MYO1F: variants seen among roughly 807,000 people sequenced by gnomAD.
The protein encoded by MYO1F is myosin IF.
Under a neutral mutation model 146.6 loss-of-function variants are expected in MYO1F, and 60 were observed. The ratio of observed to expected loss-of-function variants is 0.41; its 90% confidence interval spans 0.33 to 0.51. The LOEUF (loss-of-function observed/expected upper bound fraction) is 0.51, where lower values mean the gene tolerates loss of function less well. Among genes scored for constraint, MYO1F ranks in the 20% least tolerant of loss-of-function variants. The pLI, the probability that MYO1F is intolerant of heterozygous loss-of-function variation, is 0.25. For synonymous variants in MYO1F, 602 were observed against 602.1 expected (o/e 1.00, Z 0.00); for missense variants, 1,274 against 1,534.3 (o/e 0.83, Z 2.83).
rs1568380974 is a variant in MYO1F, at chr19:8,574,582, TCTCTCTCTCTCTCTC to T, written c.3+2710_3+2724del. Among the ~76,000 whole-genome samples the T allele has an allele frequency of 4.7e-5, 4 of 85,170 alleles. No homozygotes were observed. In the East Asian group the frequency reaches 8.5e-4, roughly 18 times the overall value. 55.9% of individuals were successfully genotyped at this position (85,170 alleles called of 152,430 possible). ...TTCTTTCTTTCTTTCTTTCTTTCTC[TCTCTCTCTCTCTCTC>T]TTTCTTTCTTTCTTTCTTTCTTTCT... On this transcript the variant is annotated intron_variant, in intron 1 of 27. Coordinates refer to ENST00000644032, the MANE Select transcript of MYO1F (RefSeq NM_012335.4).
At chr19:8,567,963 C>T (rs1274669143) in intron 1 of MYO1F, among the ~76,000 whole-genome samples, 1 of 152,242 alleles carries the variant, frequency 6.6e-6, no homozygotes, top group African/African-American at 2.4e-5. Context: ...TGGCTAGGCC[C>T]ATCAGCCCTC....
rs770815982 is a variant in MYO1F at position 8,522,785 on chromosome 19, G to A, written c.2899C>T (p.Leu967=). The A allele has an allele frequency of 9.4e-6, 15 of 1,600,938 alleles. No individual in the cohort carries two copies. The highest frequency in any genetic ancestry group is 1.7e-5 in the Admixed American group (1 of 58,402). ...CCTCCAGACATGATCTCCAGGGGCA[G>A]GGGGCCCCCTCTGGCAGAGGGGGGC... The part of the protein sequence containing the change: ...GVPPSARGGP[L]PLEIMSGGGT... Residue 967 remains leucine, a synonymous_variant, in exon 26 of 28, where the codon CTG becomes TTG. Coordinates refer to ENST00000644032, the MANE Select transcript of MYO1F (RefSeq NM_012335.4).
intron 19 of MYO1F, among the ~76,000 whole-genome samples, chr19:8,535,559 C>G (rs996612289): frequency 6.6e-6 from 1 of 152,144 alleles, no homozygotes; most frequent in Non-Finnish European, 1.5e-5. Context: ...CATGCGCTAC[C>G]ACACCTGACT....
chr19:8,574,607 T>TC (rs1568381400), intron 1 of MYO1F, among the ~76,000 whole-genome samples: 8 of 49,266 alleles, frequency 1.6e-4, no homozygotes, highest in African/African-American at 6.6e-4. Flanking sequence ...CTTTCTTTCT[T>TC]TCTTTCTTTC....
intron 13 of MYO1F, among the ~76,000 whole-genome samples, chr19:8,545,170 C>T (rs1021716617): frequency 6.6e-6 from 1 of 152,006 alleles, no homozygotes; most frequent in African/African-American, 2.4e-5. Flanking sequence ...TCACTGCACC[C>T]TTGACTTCCT....
chr19:8,550,620 G>C lies in MYO1F; in HGVS notation c.846C>G (p.His282Gln). 3 of 1,614,116 alleles carry C rather than the reference G, an allele frequency of 1.9e-6. No homozygotes were observed. Among genetic ancestry groups the C allele is most frequent in the Non-Finnish European group, 2.5e-6 (3 of 1,180,032 alleles). ...LVLQLVAGIL[H>Q]LGNISFCEDG... ...CTTCACAGAAACTGATGTTCCCCAGGTGCAAGATCCCCGCCACGAGCTGCA... is the reference window on the plus strand; with the variant it reads ...CTTCACAGAAACTGATGTTCCCCAGCTGCAAGATCCCCGCCACGAGCTGCA... Residue 282 changes from histidine (H) to glutamine (Q), a missense_variant, in exon 9 of 28, where the codon CAC becomes CAG. By Grantham distance (24) the His-to-Gln change is conservative. Around this residue, in one of 2 missense-constraint regions of MYO1F, gnomAD observed 900 missense variants for 1,155.1 expected, o/e 0.78. Transcript: ENST00000644032.
intron 8 of MYO1F, among the ~76,000 whole-genome samples, 155 bp from the exon 9 acceptor site, chr19:8,550,849 A>G (rs747358534): frequency 1.3e-5 from 2 of 152,080 alleles, no homozygotes; most frequent in African/African-American, 2.4e-5. Context: ...GACCTTGGGT[A>G]AGTGCCTGCA....
Position 8,577,360 on chromosome 19 carries a change from G to A in MYO1F, c.-51C>T, listed in dbSNP as rs2042256870. ...TGGAGGCTCCTGAATGGGTCGTGAT[G>A]GAGGTGCAGGTTCAGGGGGATCTTG... On this transcript the variant is annotated 5_prime_UTR_variant, in exon 1 of 28. Coordinates refer to ENST00000644032, the MANE Select transcript of MYO1F (RefSeq NM_012335.4). The surrounding 1 kb of genome is among the most constrained non-coding windows in gnomAD (Gnocchi z 4.3). The A allele has an allele frequency of 6.2e-7, 1 of 1,611,228 alleles. No homozygotes were observed. Among genetic ancestry groups the A allele is most frequent in the Non-Finnish European group, 8.5e-7 (1 of 1,177,830 alleles).
chr19:8,521,641 G>A, intron 27 of MYO1F, 37 bp from the exon 28 acceptor site: 1 of 1,594,944 alleles, frequency 6.3e-7, no homozygotes, highest in Non-Finnish European at 8.6e-7. Context: ...GCCCCTAGCT[G>A]GCCCTGGAGA....
At chr19:8,571,800 T>C (rs2042114789) in intron 1 of MYO1F, among the ~76,000 whole-genome samples, 1 of 151,996 alleles carries the variant, frequency 6.6e-6, no homozygotes, top group Non-Finnish European at 1.5e-5. Flanking sequence ...GGTTTCACCA[T>C]GTTAGCCAGG....
At chr19:8,535,656 T>G (rs2145850811) in intron 19 of MYO1F, among the ~76,000 whole-genome samples, 1 of 152,014 alleles carries the variant, frequency 6.6e-6, no homozygotes, top group East Asian at 1.9e-4. Context: ...AATCTCTCTC[T>G]CTCAATCTCT....
At chr19:8,565,382 A>C (rs2041984211) in intron 1 of MYO1F, among the ~76,000 whole-genome samples, 1 of 151,848 alleles carries the variant, frequency 6.6e-6, no homozygotes, top group Admixed American at 6.6e-5. Flanking sequence ...GTCTCCACTA[A>C]AAGTACAACA....
chr19:8,547,573 C>T (rs1188042540), intron 12 of MYO1F, among the ~76,000 whole-genome samples: 1 of 149,530 alleles, frequency 6.7e-6, no homozygotes, highest in Non-Finnish European at 1.5e-5. Context: ...CACTGCACTC[C>T]AGCCTGGGTG....
chr19:8,577,074 A>G lies in MYO1F; in HGVS notation c.3+233T>C. On this transcript the variant is annotated intron_variant, in intron 1 of 27. Coordinates refer to ENST00000644032, the MANE Select transcript of MYO1F (RefSeq NM_012335.4). This position sits in a 1 kb window ranked among gnomAD's most constrained non-coding sequence, Gnocchi z 4.3. Reference sequence around the variant, plus strand: ...CCTTCTGTCTTCCAGGTCCTGCCCTATCCTTGGATCCAGGGATACCACCCT... The same window carrying G: ...CCTTCTGTCTTCCAGGTCCTGCCCTGTCCTTGGATCCAGGGATACCACCCT... The G allele has an allele frequency of 1.6e-6, 1 of 628,896 alleles. No individual in the cohort carries two copies. The highest frequency in any genetic ancestry group is 2.9e-6 in the Non-Finnish European group (1 of 350,432). The allele number at this position is 628,896 out of a possible 1,614,324, so 39.0% of individuals were successfully genotyped here.
chr19:8,533,723 C>T lies in MYO1F; in HGVS notation c.2043+2529G>A, dbSNP rs946300127. Among the ~76,000 whole-genome samples the T allele has an allele frequency of 2.0e-5, 3 of 152,114 alleles. No homozygotes were observed. In the South Asian group the frequency reaches 6.2e-4, roughly 31 times the overall value. On this transcript the variant is annotated intron_variant, in intron 19 of 27. Coordinates refer to ENST00000644032, the MANE Select transcript of MYO1F (RefSeq NM_012335.4). ...CAACACCTTGATTTTGGACTTCTGA[C>T]CTGCGGAACTGTGAGAGAATAAATT... is the stretch of plus-strand genomic sequence containing the variant.
chr19:8,536,451 G>A (rs370361050), intron 18 of MYO1F, 48 bp downstream of exon 18: 129 of 1,608,688 alleles, frequency 8.0e-5, no homozygotes, highest in Non-Finnish European at 1.1e-4. Context: ...GCCTGGCTGG[G>A]CGTTCTGATG....
At chr19:8,532,903 T>TACACACACACACACAC (rs60799506) in intron 19 of MYO1F, among the ~76,000 whole-genome samples, 15 of 113,164 alleles carry the variant, frequency 1.3e-4, no homozygotes, top group Non-Finnish European at 2.5e-4. Context: ...AAAAAAAAAA[T>TACACACACACACACAC]ACACACACAC....
Position 8,521,399 on chromosome 19 carries a change from G to C in MYO1F, c.*129C>G. ...ACCCAGGGCCTGGGCAGGACTGGAG[G>C]CCAAAGGACTGGACTTTTAGGCTAT... On this transcript the variant is annotated 3_prime_UTR_variant, in exon 28 of 28. Coordinates refer to ENST00000644032, the MANE Select transcript of MYO1F (RefSeq NM_012335.4). The C allele has an allele frequency of 1.0e-6, 1 of 987,396 alleles. No individual in the cohort carries two copies. The highest frequency in any genetic ancestry group is 1.6e-6 in the Non-Finnish European group (1 of 636,200). 61.2% of individuals were successfully genotyped at this position (987,396 alleles called of 1,614,324 possible).
At chr19:8,545,831 G>A (rs958722557) in intron 12 of MYO1F, 95 bp from the exon 13 acceptor site, 28 of 894,834 alleles carry the variant, frequency 3.1e-5, no homozygotes, top group Admixed American at 2.7e-4. Flanking sequence ...TCATCACTTA[G>A]GACTGTCTCT....
Sources: allele counts gnomAD v4.1 joint callset (sites outside exome capture counted in the v4.1 genomes callset), GRCh38; gene constraint gnomAD v4.1.1; regional missense constraint gnomAD v4.1.1; non-coding constraint Gnocchi (gnomAD v3.1); transcripts MANE v1.5; gene names NCBI Gene and HGNC (gene_info 2026-07-23, HGNC 2026-07-21).